Variants in SH3PXD2A observed in about 807,000 individuals in gnomAD.
SH3PXD2A encodes SH3 and PX domain-containing protein 2A.
SH3PXD2A carries 32 observed loss-of-function variants against 115.2 expected under a neutral mutation model. That is an observed-to-expected ratio of 0.28 (90% CI 0.21 to 0.37). SH3PXD2A has a LOEUF of 0.37. Among genes scored for constraint, SH3PXD2A ranks in the 10% least tolerant of loss-of-function variants. The pLI, the probability that SH3PXD2A is intolerant of heterozygous loss-of-function variation, is 1.00. For missense variants in SH3PXD2A, 1,328 were observed against 1,498.7 expected (o/e 0.89, Z 1.88); for synonymous variants, 610 against 629.1 (o/e 0.97, Z 0.45).
chr10:103,772,238 G>C (rs1426445833), intron 2 of SH3PXD2A, among the ~76,000 whole-genome samples: 1 of 152,168 alleles, frequency 6.6e-6, no homozygotes, highest in African/African-American at 2.4e-5. Context: ...GGCCAGGCAG[G>C]CTGCAAAGCG....
intron 8 of SH3PXD2A, among the ~76,000 whole-genome samples, chr10:103,637,209 C>T (rs573755795): frequency 2.0e-5 from 3 of 152,338 alleles, no homozygotes; most frequent in Admixed American, 1.3e-4. Context: ...GGCCCTGAGG[C>T]CTGCTGGAGA....
intron 5 of SH3PXD2A, among the ~76,000 whole-genome samples, chr10:103,711,028 C>A (rs149071878): frequency 6.6e-6 from 1 of 151,986 alleles, no homozygotes; most frequent in South Asian, 2.1e-4. Context: ...GAGACAGAGA[C>A]CTTGTCTCTA....
At position 103,726,082 on chromosome 10, in the gene SH3PXD2A, ACACTAC is replaced by A. The variant is rs1367241233; in HGVS notation, c.307-1727_307-1722del. ...CCCTGGTCCAAACAGACAGGAGAGA[ACACTAC>A]CAAAGCAGAGCTGAGGGACGGGGAC... On this transcript the variant is annotated intron_variant, in intron 4 of 14. Transcript: ENST00000369774. 9.9e-5 allele frequency among the ~76,000 whole-genome samples: 15 copies of A among 152,260 alleles called. No individual in the cohort carries two copies. In the East Asian group the frequency reaches 2.3e-3, roughly 24 times the overall value.
intron 4 of SH3PXD2A, among the ~76,000 whole-genome samples, chr10:103,729,661 A>G (rs977282306): frequency 6.6e-6 from 1 of 152,222 alleles, no homozygotes; most frequent in African/African-American, 2.4e-5. Context: ...CAACCCTGCC[A>G]TTCTGTAAAC....
intron 5 of SH3PXD2A, among the ~76,000 whole-genome samples, chr10:103,721,015 CA>C (rs1343461607): frequency 5.3e-5 from 8 of 152,228 alleles, no homozygotes; most frequent in African/African-American, 9.6e-5. Flanking sequence ...CTTGCCAGAC[CA>C]GTGGTGAACT....
intron 4 of SH3PXD2A, among the ~76,000 whole-genome samples, chr10:103,730,625 T>C (rs540598371): frequency 6.6e-5 from 10 of 152,294 alleles, no homozygotes; most frequent in African/African-American, 2.4e-4. Flanking sequence ...CAAGGGATCT[T>C]AGTACATCAG....
chr10:103,788,400 A>G (rs990434833), intron 2 of SH3PXD2A, among the ~76,000 whole-genome samples: 2 of 152,222 alleles, frequency 1.3e-5, no homozygotes, highest in African/African-American at 4.8e-5. Flanking sequence ...CTACTTGGAA[A>G]GTTGGGAATT....
At chr10:103,820,617 C>A (rs1247110742) in intron 1 of SH3PXD2A, among the ~76,000 whole-genome samples, 1 of 152,250 alleles carries the variant, frequency 6.6e-6, no homozygotes, top group East Asian at 1.9e-4. Flanking sequence ...GAGCCCACCC[C>A]CAGTGAGCCT....
At chr10:103,771,803 C>T (rs1006422245) in intron 2 of SH3PXD2A, among the ~76,000 whole-genome samples, 9 of 150,708 alleles carry the variant, frequency 6.0e-5, no homozygotes, top group African/African-American at 1.7e-4. Flanking sequence ...ACCCTGCAGC[C>T]TTCACATCAA....
At chr10:103,733,872 G>A (rs1463736599) in intron 4 of SH3PXD2A, among the ~76,000 whole-genome samples, 1 of 152,040 alleles carries the variant, frequency 6.6e-6, no homozygotes, top group Non-Finnish European at 1.5e-5. Context: ...CCTGACTCAA[G>A]CAGTCCTCTC....
At position 103,777,241 on chromosome 10, in the gene SH3PXD2A, CT is replaced by C. The variant is rs1175014127; in HGVS notation, c.154-10073del. 3.3e-5 allele frequency among the ~76,000 whole-genome samples: 5 copies of C among 152,406 alleles called. No individual in the cohort carries two copies. The East Asian group carries it at 9.6e-4, about 29-fold the overall frequency. On this transcript the variant is annotated intron_variant, in intron 2 of 14. Coordinates refer to ENST00000369774, the MANE Select transcript of SH3PXD2A (RefSeq NM_001394015.1). ...TACACACCGGCTATTCTTATCACCC[CT>C]GTCACCATTACTCTTGTTATGACAC... is the stretch of plus-strand genomic sequence containing the variant.
At chr10:103,799,103 G>A (rs1301826603) in intron 2 of SH3PXD2A, among the ~76,000 whole-genome samples, 1 of 152,200 alleles carries the variant, frequency 6.6e-6, no homozygotes, top group Non-Finnish European at 1.5e-5. Context: ...CCGGAGTTAC[G>A]TGGTGACAGC....
At chr10:103,674,478 T>C (rs558987639) in intron 6 of SH3PXD2A, among the ~76,000 whole-genome samples, 43 of 152,310 alleles carry the variant, frequency 2.8e-4, no homozygotes, top group African/African-American at 1.0e-3. Context: ...GTGAATGTCA[T>C]CTGGGAAAAA....
chr10:103,855,294 C>T lies in SH3PXD2A; in HGVS notation c.-28G>A, dbSNP rs1285882182. 2 of 1,494,630 alleles carry T rather than the reference C, an allele frequency of 1.3e-6. No homozygotes were observed. Among genetic ancestry groups the T allele is most frequent in the African/African-American group, 1.4e-5 (1 of 69,092 alleles). The allele number at this position is 1,494,630 out of a possible 1,614,324, so 92.6% of individuals were successfully genotyped here. ...TCCCCCACAAAGCGAGTGGCGCCCC[C>T]GGCGGCGTCACCTTCTCATCCCGGC... is the stretch of plus-strand genomic sequence containing the variant. On this transcript the variant is annotated 5_prime_UTR_variant, in exon 1 of 15. Coordinates refer to ENST00000369774, the MANE Select transcript of SH3PXD2A (RefSeq NM_001394015.1).
intron 3 of SH3PXD2A, among the ~76,000 whole-genome samples, chr10:103,743,591 G>A (rs536744778): frequency 6.6e-6 from 1 of 151,990 alleles, no homozygotes; most frequent in African/African-American, 2.4e-5. Context: ...GGCTGGTCCC[G>A]AACTCCTGGT....
intron 2 of SH3PXD2A, among the ~76,000 whole-genome samples, chr10:103,770,007 G>A (rs1041316398): frequency 1.3e-5 from 2 of 151,922 alleles, no homozygotes; most frequent in Admixed American, 6.6e-5. Context: ...ATTCATGTTC[G>A]CTAAGGGAAA....
At chr10:103,803,848 G>A (rs58432956) in intron 1 of SH3PXD2A, among the ~76,000 whole-genome samples, 3,922 of 152,286 alleles carry the variant, frequency 0.026, 166 homozygotes, top group African/African-American at 0.088. Flanking sequence ...ATGGGGTACA[G>A]CCTGCGTTAT....
intron 1 of SH3PXD2A, among the ~76,000 whole-genome samples, chr10:103,853,946 G>GA (rs1842918003): frequency 1.3e-5 from 2 of 152,182 alleles, no homozygotes; most frequent in Non-Finnish European, 2.9e-5. Context: ...TGACACAAAA[G>GA]AAACAACTCT....
At chr10:103,687,501 T>C (rs1291218536) in intron 6 of SH3PXD2A, among the ~76,000 whole-genome samples, 1 of 151,944 alleles carries the variant, frequency 6.6e-6, no homozygotes, top group East Asian at 1.9e-4. Flanking sequence ...ACACAAACTC[T>C]CCCTTGAGGC....
Sources: allele counts gnomAD v4.1 joint callset (sites outside exome capture counted in the v4.1 genomes callset), GRCh38; gene constraint gnomAD v4.1.1; transcripts MANE v1.5; gene names NCBI Gene and HGNC (gene_info 2026-07-23, HGNC 2026-07-21).